Variants in CXXC5 observed in about 807,000 individuals in gnomAD.
CXXC5 encodes the protein CXXC finger protein 5.
A neutral mutation model predicts 17.6 loss-of-function variants in CXXC5; 2 were observed. The observed-to-expected ratio is 0.11, with a 90% confidence interval of 0.05 to 0.36. The LOEUF is 0.36. Among genes scored for constraint, CXXC5 ranks in the 10% least tolerant of loss-of-function variants. The pLI, the probability that CXXC5 is intolerant of heterozygous loss-of-function variation, is 1.00. For missense variants in CXXC5, 343 were observed against 458.3 expected, an observed-to-expected ratio of 0.75 and a Z score of 2.30; for synonymous variants, 171 against 193.0, an observed-to-expected ratio of 0.89 and a Z score of 0.94.
chr5:139,663,217 G>A lies in CXXC5; in HGVS notation c.-161+14372G>A, dbSNP rs1195743997. On this transcript the variant is annotated intron_variant, in intron 1 of 2. Coordinates refer to ENST00000302517, the MANE Select transcript of CXXC5 (RefSeq NM_016463.9). This position sits in a 1 kb window ranked among gnomAD's most constrained non-coding sequence, Gnocchi z 4.2. ...TGGAGGCTTCCTAATATCAGAGGGA[G>A]CAGAGAGAGCCGACTGTAGTTTCAA... is the stretch of plus-strand genomic sequence containing the variant. Among the ~76,000 whole-genome samples, 2 of 152,120 alleles carry A rather than the reference G, an allele frequency of 1.3e-5. No homozygotes were observed. Among genetic ancestry groups the A allele is most frequent in the Non-Finnish European group, 2.9e-5 (2 of 68,018 alleles).
At chr5:139,653,913 GTGA>G (rs1755346735) in intron 1 of CXXC5, among the ~76,000 whole-genome samples, 1 of 152,194 alleles carries the variant, frequency 6.6e-6, no homozygotes, top group Admixed American at 6.5e-5. Flanking sequence ...CTCTAGAGAG[GTGA>G]TTAGTTCCAG....
At chr5:139,657,423 G>A (rs1755547467) in intron 1 of CXXC5, among the ~76,000 whole-genome samples, 1 of 152,236 alleles carries the variant, frequency 6.6e-6, no homozygotes, top group African/African-American at 2.4e-5. Flanking sequence ...CAATGGGCTG[G>A]ATGTGTTGGG....
intron 2 of CXXC5, among the ~76,000 whole-genome samples, chr5:139,681,885 C>T (rs1252323648): frequency 6.6e-6 from 1 of 152,182 alleles, no homozygotes; most frequent in Non-Finnish European, 1.5e-5. Flanking sequence ...TGCCCTTAAG[C>T]CCTTCATTTG....
At chr5:139,652,345 G>T (rs1755259523) in intron 1 of CXXC5, among the ~76,000 whole-genome samples, 1 of 152,014 alleles carries the variant, frequency 6.6e-6, no homozygotes, top group Non-Finnish European at 1.5e-5. Context: ...GTTTTTTTCT[G>T]CTTTCTCTTA....
Position 139,658,285 on chromosome 5 carries a change from T to C in CXXC5, c.-161+9440T>C, listed in dbSNP as rs942447103. 6.6e-6 allele frequency among the ~76,000 whole-genome samples: 1 copy of C among 152,168 alleles called. No homozygotes were observed. The highest frequency in any genetic ancestry group is 1.5e-5 in the Non-Finnish European group (1 of 68,018). ...AGATAGAATGCTTGGAATGGAGGCA[T>C]TTTTCAAGTCAGGATTCTCGTTGGG... On this transcript the variant is annotated intron_variant, in intron 1 of 2. Coordinates refer to ENST00000302517, the MANE Select transcript of CXXC5 (RefSeq NM_016463.9). The surrounding 1 kb of genome is among the most constrained non-coding windows in gnomAD (Gnocchi z 4.1).
At chr5:139,674,531 G>A (rs1270408439) in intron 1 of CXXC5, among the ~76,000 whole-genome samples, 1 of 152,218 alleles carries the variant, frequency 6.6e-6, no homozygotes, top group Non-Finnish European at 1.5e-5. Context: ...TCCCTGGGCA[G>A]GCAGAATGGC....
In CXXC5 at chr5:139,680,817, C is replaced by A; in HGVS notation, c.294C>A (p.Gly98=). The A allele has an allele frequency of 6.2e-7, 1 of 1,612,540 alleles. No individual in the cohort carries two copies. Among genetic ancestry groups the A allele is most frequent in the Non-Finnish European group, 8.5e-7 (1 of 1,180,012 alleles). The part of the protein sequence containing the change: ...SGGSGGGSMM[G]GESADKATAA... The stretch of plus-strand genomic sequence containing the variant: ...GTAGTGGCGGTGGCAGCATGATGGG[C>A]GGAGAGTCTGCTGACAAGGCCACTG... The change falls in exon 2 of 3, where the codon GGC becomes GGA. Residue 98 remains glycine, a synonymous_variant. Coordinates refer to ENST00000302517, the MANE Select transcript of CXXC5 (RefSeq NM_016463.9).
chr5:139,662,605 TC>T (rs1452184715), intron 1 of CXXC5, among the ~76,000 whole-genome samples: 1 of 152,210 alleles, frequency 6.6e-6, no homozygotes, highest in African/African-American at 2.4e-5. Context: ...CTATAAGGAC[TC>T]AGGCCCAGTT....
At chr5:139,654,093 C>T (rs1317400345) in intron 1 of CXXC5, among the ~76,000 whole-genome samples, 1 of 152,290 alleles carries the variant, frequency 6.6e-6, no homozygotes, top group South Asian at 2.1e-4. Flanking sequence ...AGGACCCTAG[C>T]TTGTACCCTC....
At chr5:139,656,191 T>C (rs1755490023) in intron 1 of CXXC5, among the ~76,000 whole-genome samples, 1 of 152,248 alleles carries the variant, frequency 6.6e-6, no homozygotes, top group Non-Finnish European at 1.5e-5. Context: ...TAGCGGCCCC[T>C]ACACACCCAA....
At chr5:139,671,822 A>T (rs769075557) in intron 1 of CXXC5, among the ~76,000 whole-genome samples, 17 of 152,188 alleles carry the variant, frequency 1.1e-4, no homozygotes, top group Non-Finnish European at 2.1e-4. Context: ...CTTTAGCTGA[A>T]GTCTTCCTTC....
chr5:139,652,145 C>T (rs1414652901), intron 1 of CXXC5, among the ~76,000 whole-genome samples: 1 of 98,872 alleles, frequency 1.0e-5, no homozygotes, highest in Non-Finnish European at 1.9e-5. Flanking sequence ...ATCCTAGCCG[C>T]CGGCGCGCGC....
Position 139,680,838 on chromosome 5 carries a change from C to T in CXXC5, c.315C>T (p.Ala105=), listed in dbSNP as rs1366703434. 1 of 1,611,724 alleles carries T rather than the reference C, an allele frequency of 6.2e-7. No homozygotes were observed. Among genetic ancestry groups the T allele is most frequent in the Admixed American group, 1.7e-5 (1 of 60,032 alleles). ...SMMGGESADK[A]TAAAAAASLL... ...TGGGCGGAGAGTCTGCTGACAAGGC[C>T]ACTGCGGCTGCAGCCGCTGCCTCCC... The change falls in exon 2 of 3, where the codon GCC becomes GCT. Residue 105 remains alanine, a synonymous_variant. Transcript: ENST00000302517.
In CXXC5 at chr5:139,681,210, C is replaced by T; in HGVS notation, c.687C>T (p.Phe229=). The change falls in exon 2 of 3, where the codon TTC becomes TTT. Residue 229 remains phenylalanine, a synonymous_variant. Coordinates refer to ENST00000302517, the MANE Select transcript of CXXC5 (RefSeq NM_016463.9). ...GLFIMTPAGV[F]LAESALHMAG... is the part of the protein sequence containing the mutation. ...TCATTATGACCCCGGCAGGTGTGTT[C>T]CTGGCCGAGAGCGCGCTGCACATGG... The T allele has an allele frequency of 1.2e-6, 2 of 1,612,752 alleles. No individual in the cohort carries two copies. The highest frequency in any genetic ancestry group is 1.7e-6 in the Non-Finnish European group (2 of 1,179,878).
intron 1 of CXXC5, among the ~76,000 whole-genome samples, chr5:139,655,128 A>T (rs1467512329): frequency 1.3e-5 from 2 of 152,112 alleles, no homozygotes; most frequent in Non-Finnish European, 2.9e-5. Context: ...CTGTACCCAG[A>T]TCAGCCCTAG....
rs191727701 is a variant in CXXC5, at chr5:139,663,836, C to G, written c.-161+14991C>G. ...CCTTCACATAGGTCCTCTCCAGGAC[C>G]TGACGAGGTGGGGGCTGTCAGCGGC... On this transcript the variant is annotated intron_variant, in intron 1 of 2. Coordinates refer to ENST00000302517, the MANE Select transcript of CXXC5 (RefSeq NM_016463.9). The surrounding 1 kb of genome is among the most constrained non-coding windows in gnomAD (Gnocchi z 4.2). 6.6e-6 allele frequency among the ~76,000 whole-genome samples: 1 copy of G among 152,218 alleles called. No homozygotes were observed. The highest frequency in any genetic ancestry group is 1.5e-5 in the Non-Finnish European group (1 of 68,024).
At chr5:139,674,422 G>A (rs1279318586) in intron 1 of CXXC5, among the ~76,000 whole-genome samples, 1 of 152,208 alleles carries the variant, frequency 6.6e-6, no homozygotes, top group Non-Finnish European at 1.5e-5. Flanking sequence ...GGGATGTCAA[G>A]TGCTGCATGG....
At chr5:139,664,289 G>C (rs1755975501) in intron 1 of CXXC5, among the ~76,000 whole-genome samples, 1 of 152,118 alleles carries the variant, frequency 6.6e-6, no homozygotes, top group South Asian at 2.1e-4. Flanking sequence ...CCATGGTTAG[G>C]CCTGTGGAAG....
chr5:139,672,205 C>A (rs1224953144), intron 1 of CXXC5, among the ~76,000 whole-genome samples: 1 of 152,190 alleles, frequency 6.6e-6, no homozygotes, highest in Non-Finnish European at 1.5e-5. Flanking sequence ...GCAACCTCTG[C>A]CTCCCAGGTT....
Sources: allele counts gnomAD v4.1 joint callset (sites outside exome capture counted in the v4.1 genomes callset), GRCh38; gene constraint gnomAD v4.1.1; non-coding constraint Gnocchi (gnomAD v3.1); transcripts MANE v1.5; gene names NCBI Gene and HGNC (gene_info 2026-07-23, HGNC 2026-07-21).